Variants in ADRA1B observed in about 807,000 individuals in gnomAD.
The protein encoded by ADRA1B is adrenoceptor alpha 1B, also known as alpha-1B adrenergic receptor.
In ADRA1B, 17 loss-of-function variants were observed where a neutral mutation model predicts 17.9. The observed-to-expected ratio is 0.95, with a 90% CI of 0.65 to 1.42. The LOEUF (loss-of-function observed/expected upper bound fraction) is 1.42. ADRA1B is among the 40% of genes most tolerant of loss of function. The pLI is 0.00. For synonymous variants in ADRA1B, 366 were observed against 327.6 expected, an observed-to-expected ratio of 1.12 and a Z score of -1.27; for missense variants, 681 against 722.1, an observed-to-expected ratio of 0.94 and a Z score of 0.65.
At position 159,972,376 on chromosome 5, in the gene ADRA1B, G is replaced by A. The variant is rs1387505858; in HGVS notation, c.1447G>A (p.Glu483Lys). The A allele has an allele frequency of 5.3e-6, 8 of 1,512,044 alleles. No homozygotes were observed. In the African/African-American group the frequency reaches 7.1e-5, roughly 13 times the overall value. The allele number at this position is 1,512,044 out of a possible 1,614,324, so 93.7% of individuals were successfully genotyped here. Residue 483 changes from glutamate (E) to lysine (K), a missense_variant, in exon 2 of 2, where the codon GAG becomes AAG. Glu to Lys is a moderately conservative substitution (Grantham distance 56). Coordinates refer to ENST00000306675, the MANE Select transcript of ADRA1B (RefSeq NM_000679.4). ...CACCTTCAAGCTCCTGACCGAGCCC[G>A]AGAGCCCCGGGACCGACGGCGGCGC... ...LFTFKLLTEP[E>K]SPGTDGGASN...
At chr5:159,927,009 C>T (rs912636186) in intron 1 of ADRA1B, among the ~76,000 whole-genome samples, 3 of 152,312 alleles carry the variant, frequency 2.0e-5, no homozygotes, top group African/African-American at 4.8e-5. Flanking sequence ...CTGTCATAGA[C>T]TGGTATTCTA....
chr5:159,986,513 A>G, the ADRA1B span, among the ~76,000 whole-genome samples: 2 of 152,182 alleles, frequency 1.3e-5, no homozygotes. Context: ...CTTTTATTTG[A>G]ACCGACAGCT....
At chr5:159,915,573 C>T (rs910736379), upstream of ADRA1B, among the ~76,000 whole-genome samples, 5 of 152,094 alleles carry the variant, frequency 3.3e-5, no homozygotes, top group African/African-American at 7.2e-5. Context: ...CAACAAATAA[C>T]CAAGATCCTC....
At chr5:159,959,655 G>T (rs1423854290) in intron 1 of ADRA1B, among the ~76,000 whole-genome samples, 1 of 152,144 alleles carries the variant, frequency 6.6e-6, no homozygotes, top group African/African-American at 2.4e-5. Flanking sequence ...TGCTTAACCA[G>T]TATTGTCAAG....
At position 159,971,764 on chromosome 5, in the gene ADRA1B, T is replaced by G. The variant is rs534005320; in HGVS notation, c.950-115T>G. ...AGAGGAACCGGCTCGGGGAAAGGCC[T>G]GGCGGCAGGAACGCTGCAGGTTGAC... On this transcript the variant is annotated intron_variant, in intron 1 of 1. Coordinates refer to ENST00000306675, the MANE Select transcript of ADRA1B (RefSeq NM_000679.4). 7.0e-6 allele frequency: 8 copies of G among 1,148,084 alleles called. No individual in the cohort carries two copies. The East Asian group carries it at 1.7e-4, about 25-fold the overall frequency. The allele number at this position is 1,148,084 out of a possible 1,614,324, so 71.1% of individuals were successfully genotyped here.
Position 159,906,225 on chromosome 5 carries a change from G to A in ADRA1B, c.-255-9894G>A, listed in dbSNP as rs1754159474. Reference sequence around the variant, plus strand: ...TGGCAATCAGAAAACCTGGGTTTAAGACCTGCATCCTATAAGAATCCTCTC... The same window carrying A: ...TGGCAATCAGAAAACCTGGGTTTAAAACCTGCATCCTATAAGAATCCTCTC... On this transcript the variant is annotated intron_variant, in intron 1 of 2. Transcript: ENST00000641205. Among the ~76,000 whole-genome samples, 2 of 152,142 alleles carry A rather than the reference G, an allele frequency of 1.3e-5. 1 individual carries two copies. The highest frequency in any genetic ancestry group is 4.1e-4 in the South Asian group (2 of 4,824).
chr5:159,927,716 TA>T (rs558153235), intron 1 of ADRA1B, among the ~76,000 whole-genome samples: 19 of 152,268 alleles, frequency 1.2e-4, no homozygotes, highest in Non-Finnish European at 1.6e-4. Flanking sequence ...ATTTGAACAA[TA>T]AAAATGTCTC....
chr5:159,878,342 G>C (rs1340589461), intron 1 of ADRA1B, among the ~76,000 whole-genome samples: 8 of 152,182 alleles, frequency 5.3e-5, no homozygotes, highest in Non-Finnish European at 1.2e-4. Flanking sequence ...CCCCAGATGG[G>C]AACAAAGCTC....
chr5:159,956,842 T>C (rs1468302482), intron 1 of ADRA1B, among the ~76,000 whole-genome samples: 1 of 152,192 alleles, frequency 6.6e-6, no homozygotes, highest in Non-Finnish European at 1.5e-5. Context: ...TAAAATATCT[T>C]CCACAAAAAT....
intron 1 of ADRA1B, among the ~76,000 whole-genome samples, chr5:159,945,363 A>T (rs1755239296): frequency 6.6e-6 from 1 of 152,196 alleles, no homozygotes; most frequent in Non-Finnish European, 1.5e-5. Flanking sequence ...AAAATTAATA[A>T]ATAAATAAAA....
chr5:159,963,288 G>GTATATA (rs10522262), intron 1 of ADRA1B, among the ~76,000 whole-genome samples: 5,509 of 132,630 alleles, frequency 0.042, 229 homozygotes, highest in Non-Finnish European at 0.061. Flanking sequence ...AACAAAAAAA[G>GTATATA]TATATATATA....
chr5:159,905,977 C>T (rs749314472), intron 1 of ADRA1B, among the ~76,000 whole-genome samples: 4 of 152,082 alleles, frequency 2.6e-5, no homozygotes, highest in Non-Finnish European at 5.9e-5. Flanking sequence ...CTGTCAGCCT[C>T]CCAAATAGCT....
intron 1 of ADRA1B, among the ~76,000 whole-genome samples, chr5:159,890,831 G>A (rs1168524289): frequency 3.9e-5 from 6 of 152,146 alleles, no homozygotes; most frequent in Admixed American, 2.6e-4. Flanking sequence ...ATCCTCCATC[G>A]CCACCCTAAA....
At chr5:159,917,924 A>G (rs953349056) in intron 1 of ADRA1B, 70 bp downstream of exon 1, 1 of 1,350,388 alleles carries the variant, frequency 7.4e-7, no homozygotes, top group Non-Finnish European at 1.0e-6. Context: ...AGCTTACTCT[A>G]AAGTTTTTTG....
intron 1 of ADRA1B, among the ~76,000 whole-genome samples, chr5:159,925,493 G>A (rs571974926): frequency 6.6e-5 from 10 of 152,244 alleles, no homozygotes; most frequent in East Asian, 3.9e-4. Context: ...TTTCAGACCC[G>A]GATTCACCAC....
chr5:159,889,938 A>G (rs7734728), intron 1 of ADRA1B, among the ~76,000 whole-genome samples: 3,541 of 152,280 alleles, frequency 0.023, 137 homozygotes, highest in African/African-American at 0.08. Flanking sequence ...GCTTTAAGGA[A>G]CTTCATCTCC....
chr5:159,987,003 G>A, the ADRA1B span, among the ~76,000 whole-genome samples: 1 of 152,172 alleles, frequency 6.6e-6, no homozygotes, highest in Non-Finnish European at 1.5e-5. Flanking sequence ...AGGGTCCCTA[G>A]AACCCAGGAT....
At chr5:159,988,185 G>A in the ADRA1B span, among the ~76,000 whole-genome samples, 1 of 152,170 alleles carries the variant, frequency 6.6e-6, no homozygotes, top group Non-Finnish European at 1.5e-5. Flanking sequence ...CCACACTGCT[G>A]ACTTTGAAGA....
chr5:159,881,438 T>C (rs1215346805), intron 1 of ADRA1B, among the ~76,000 whole-genome samples: 1 of 151,874 alleles, frequency 6.6e-6, no homozygotes, highest in Non-Finnish European at 1.5e-5. Flanking sequence ...GGCATGCCAA[T>C]TTTCTCTATT....
Sources: gnomAD v4.1 joint callset for allele counts (sites outside exome capture counted in the v4.1 genomes callset) on GRCh38, gnomAD v4.1.1 for gene constraint, MANE v1.5 for transcripts, NCBI Gene and HGNC (gene_info 2026-07-23, HGNC 2026-07-21) for gene names.